Variants in CNBD1 observed in about 807,000 individuals in gnomAD.
CNBD1 encodes cyclic nucleotide binding domain containing 1, also known as cyclic nucleotide-binding domain-containing protein 1.
Under a neutral mutation model 54.4 loss-of-function variants are expected in CNBD1, and 71 were observed. The observed-to-expected ratio is 1.30, with a 90% CI of 1.08 to 1.59. The LOEUF (loss-of-function observed/expected upper bound fraction) is 1.59, where lower values mean the gene tolerates loss of function less well. Among genes scored for constraint, CNBD1 ranks in the 40% most tolerant of loss-of-function variants. CNBD1 has a pLI of 0.00. For synonymous variants in CNBD1, 182 were observed against 170.7 expected, an observed-to-expected ratio of 1.07 and a Z score of -0.51; for missense variants, 659 against 518.0, an observed-to-expected ratio of 1.27 and a Z score of -2.64.
intron 4 of CNBD1, among the ~76,000 whole-genome samples, chr8:87,154,163 A>T (rs931509472): frequency 2.6e-5 from 4 of 152,180 alleles, no homozygotes; most frequent in African/African-American, 9.7e-5. Context: ...TACAAAGATT[A>T]AAAAAGAACG....
intron 4 of CNBD1, among the ~76,000 whole-genome samples, chr8:87,023,108 A>C (rs2130579772): frequency 6.6e-6 from 1 of 152,340 alleles, no homozygotes; most frequent in Admixed American, 6.5e-5. Flanking sequence ...CTTTGAAATG[A>C]AAGTTACTGG....
At chr8:87,244,667 G>T (rs775756326) in intron 6 of CNBD1, among the ~76,000 whole-genome samples, 28 of 152,192 alleles carry the variant, frequency 1.8e-4, no homozygotes, top group Admixed American at 4.6e-4. Context: ...GATGTCCCCT[G>T]ACTCATATCC....
intron 4 of CNBD1, among the ~76,000 whole-genome samples, chr8:87,082,225 C>A (rs1039212642): frequency 1.3e-5 from 2 of 152,104 alleles, no homozygotes; most frequent in African/African-American, 4.8e-5. Context: ...CACATGATCT[C>A]CCCACCCTGC....
chr8:87,152,963 G>A (rs759340173), intron 4 of CNBD1, among the ~76,000 whole-genome samples: 7 of 152,026 alleles, frequency 4.6e-5, no homozygotes, highest in Non-Finnish European at 8.8e-5. Context: ...ATAAACACTA[G>A]GTGCAAGGAA....
intron 1 of CNBD1, among the ~76,000 whole-genome samples, chr8:86,875,340 A>T (rs761143584): frequency 8.2e-4 from 124 of 152,122 alleles, no homozygotes; most frequent in Non-Finnish European, 1.3e-3. Flanking sequence ...CTGGTCTTGG[A>T]TGCTGTGATA....
intron 4 of CNBD1, among the ~76,000 whole-genome samples, chr8:87,063,110 T>C (rs1386960337): frequency 6.6e-6 from 1 of 152,238 alleles, no homozygotes; most frequent in Non-Finnish European, 1.5e-5. Context: ...ACAACTACTA[T>C]TGTAGCCCAC....
At chr8:87,278,873 A>C (rs951166747) in intron 6 of CNBD1, among the ~76,000 whole-genome samples, 5 of 151,412 alleles carry the variant, frequency 3.3e-5, no homozygotes, top group Admixed American at 6.6e-5. Context: ...TAGTGTAAAA[A>C]AATTTTTCAA....
chr8:86,968,624 T>C (rs1277982369), intron 4 of CNBD1, among the ~76,000 whole-genome samples: 1 of 152,108 alleles, frequency 6.6e-6, no homozygotes, highest in African/African-American at 2.4e-5. Context: ...GGGCAGATAT[T>C]TGGGGAAGAG....
At chr8:87,158,294 A>C (rs1276593541) in intron 4 of CNBD1, among the ~76,000 whole-genome samples, 1 of 152,140 alleles carries the variant, frequency 6.6e-6, no homozygotes, top group Non-Finnish European at 1.5e-5. Context: ...CTACTGTGTA[A>C]GTTCATGAGA....
intron 4 of CNBD1, among the ~76,000 whole-genome samples, chr8:87,045,275 G>T (rs1453994946): frequency 6.6e-6 from 1 of 152,122 alleles, no homozygotes; most frequent in Non-Finnish European, 1.5e-5. Context: ...AAGAAAAAGA[G>T]GTCCCAGTAA....
At chr8:87,414,221 A>AG (rs1286169192) in intron 2 of CNBD1, among the ~76,000 whole-genome samples, 1 of 152,138 alleles carries the variant, frequency 6.6e-6, no homozygotes, top group Non-Finnish European at 1.5e-5. Context: ...TGTCCTTTGT[A>AG]GGGACATGGA....
intron 10 of CNBD1, among the ~76,000 whole-genome samples, chr8:87,367,164 C>T (rs1051951239): frequency 6.6e-6 from 1 of 152,038 alleles, no homozygotes; most frequent in Non-Finnish European, 1.5e-5. Context: ...GAAGACACTC[C>T]TATATTCTTT....
intron 4 of CNBD1, among the ~76,000 whole-genome samples, chr8:87,074,037 C>T (rs1810813493): frequency 6.7e-6 from 1 of 149,434 alleles, no homozygotes; most frequent in African/African-American, 2.5e-5. Flanking sequence ...GGAGGCAGAG[C>T]TTGCAGTGAG....
intron 4 of CNBD1, among the ~76,000 whole-genome samples, chr8:86,993,207 T>C (rs112668254): frequency 0.012 from 1,890 of 152,222 alleles, 31 homozygotes; most frequent in African/African-American, 0.036. Context: ...AGAACCAGTC[T>C]TCAAGCTCTC....
chr8:87,006,293 G>A (rs916922563), intron 4 of CNBD1, among the ~76,000 whole-genome samples: 3 of 152,048 alleles, frequency 2.0e-5, no homozygotes, highest in African/African-American at 7.2e-5. Flanking sequence ...TTTATGGAAG[G>A]TGATAATATT....
intron 2 of CNBD1, among the ~76,000 whole-genome samples, chr8:87,422,204 A>C (rs2130993738): frequency 6.9e-6 from 1 of 145,868 alleles, no homozygotes; most frequent in Non-Finnish European, 1.5e-5. Flanking sequence ...GGTTGCAAAA[A>C]TTTTTCCCAT....
intron 2 of CNBD1, among the ~76,000 whole-genome samples, chr8:87,402,453 T>C (rs918588436): frequency 6.6e-6 from 1 of 152,092 alleles, no homozygotes; most frequent in African/African-American, 2.4e-5. Flanking sequence ...ATTTGAGGCA[T>C]AAATATTAAT....
intron 4 of CNBD1, among the ~76,000 whole-genome samples, chr8:87,054,975 C>T (rs895372346): frequency 6.6e-6 from 1 of 152,244 alleles, no homozygotes; most frequent in Non-Finnish European, 1.5e-5. Flanking sequence ...CTTGAGAGAA[C>T]AAAACTGAGA....
intron 2 of CNBD1, among the ~76,000 whole-genome samples, chr8:87,417,621 G>A (rs990866881): frequency 2.0e-5 from 3 of 151,780 alleles, no homozygotes; most frequent in Non-Finnish European, 4.4e-5. Context: ...TACACACAAA[G>A]CCAATTAATT....
Sources: allele counts gnomAD v4.1 joint callset (sites outside exome capture counted in the v4.1 genomes callset), GRCh38; gene constraint gnomAD v4.1.1; transcripts MANE v1.5; gene names NCBI Gene and HGNC (gene_info 2026-07-23, HGNC 2026-07-21).